Variants in PCDHGA9 observed in about 807,000 individuals in gnomAD.
PCDHGA9 encodes the protein protocadherin gamma subfamily A, 9.
Under a neutral mutation model 62.5 loss-of-function variants are expected in PCDHGA9, and 37 were observed. That is an observed-to-expected ratio of 0.59 (90% CI 0.46 to 0.78). PCDHGA9 has a LOEUF of 0.78. Ranked by LOEUF, PCDHGA9 falls within the 30% of genes least tolerant of loss-of-function variation. The probability of loss-of-function intolerance (pLI) is 0.00; values close to 1 mark genes in which losing one functional copy is unlikely to be tolerated. For synonymous variants in PCDHGA9, 459 were observed against 484.6 expected (o/e 0.95, Z 0.69); for missense variants, 1,138 against 1,166.2 (o/e 0.98, Z 0.35).
At chr5:141,433,926 A>T (rs2154556019) in intron 1 of PCDHGA9, among the ~76,000 whole-genome samples, 1 of 151,830 alleles carries the variant, frequency 6.6e-6, no homozygotes, top group African/African-American at 2.4e-5. Context: ...CCAAATGAAG[A>T]TTTTATAATT....
At position 141,505,451 on chromosome 5, in the gene PCDHGA9, C is replaced by T. The variant is rs1350424069; in HGVS notation, c.2542C>T (p.Leu848=). Residue 848 remains leucine (L), a synonymous_variant, in exon 3 of 4, where the codon CTG becomes TTG. Transcript: ENST00000573521. The part of the protein sequence containing the change: ...WPNNQFDTEM[L]QAMILASASE... ...CAACAACCAGTTTGACACAGAGATG[C>T]TGCAAGCCATGATCTTGGCGTCCGC... The T allele has an allele frequency of 1.2e-6, 2 of 1,614,222 alleles. No individual in the cohort carries two copies. The highest frequency in any genetic ancestry group is 1.7e-6 in the Non-Finnish European group (2 of 1,180,048).
At chr5:141,463,460 T>TA (rs1554144871) in intron 1 of PCDHGA9, among the ~76,000 whole-genome samples, 2 of 136,122 alleles carry the variant, frequency 1.5e-5, no homozygotes, top group Non-Finnish European at 3.1e-5. Context: ...TTTTTTTTTT[T>TA]TTTTTTGAGA....
intron 1 of PCDHGA9, chr5:141,441,038 G>A (rs1263659082): frequency 6.6e-6 from 1 of 152,156 alleles, no homozygotes; most frequent in African/African-American, 2.4e-5. Context: ...AAAACTTTAA[G>A]TACATTGGAC....
At chr5:141,436,588 G>A (rs1182294845) in intron 1 of PCDHGA9, among the ~76,000 whole-genome samples, 3 of 152,138 alleles carry the variant, frequency 2.0e-5, no homozygotes, top group Non-Finnish European at 2.9e-5. Context: ...AATTTGAAAG[G>A]TCGTGGTGAT....
chr5:141,456,026 T>A (rs2098840894), intron 1 of PCDHGA9, among the ~76,000 whole-genome samples: 1 of 151,690 alleles, frequency 6.6e-6, no homozygotes, highest in African/African-American at 2.4e-5. Context: ...GCCTCCCGAG[T>A]AGCTGGGACT....
Position 141,432,503 on chromosome 5 carries a change from G to A in PCDHGA9, c.2424+27127G>A, listed in dbSNP as rs939325676. On this transcript the variant is annotated intron_variant, in intron 1 of 3. Transcript: ENST00000573521. This position sits in a 1 kb window ranked among gnomAD's most constrained non-coding sequence, Gnocchi z 6.0. ...TGGCGTGGAGCTGGCTCCCCGCTCC[G>A]CAGAGCCCGGCTACCTGGTGACCAA... 5 of 1,613,988 alleles carry A rather than the reference G, an allele frequency of 3.1e-6. No individual in the cohort carries two copies. Among genetic ancestry groups the A allele is most frequent in the Non-Finnish European group, 2.5e-6 (3 of 1,180,038 alleles).
At chr5:141,483,918 T>G (rs2099588800) in intron 1 of PCDHGA9, among the ~76,000 whole-genome samples, 1 of 150,512 alleles carries the variant, frequency 6.6e-6, no homozygotes, top group Non-Finnish European at 1.5e-5. Flanking sequence ...CCACTCAGAT[T>G]GCAGGTCGTA....
intron 1 of PCDHGA9, chr5:141,417,977 G>T (rs752463782): frequency 1.2e-6 from 2 of 1,613,872 alleles, no homozygotes; most frequent in South Asian, 2.2e-5. Context: ...GATTCCGGAG[G>T]AGCTGGCCAA....
intron 1 of PCDHGA9, among the ~76,000 whole-genome samples, chr5:141,452,165 C>G (rs917431071): frequency 2.6e-5 from 4 of 152,120 alleles, no homozygotes; most frequent in African/African-American, 9.7e-5. Flanking sequence ...TATTCTATTA[C>G]TAACATTTTT....
intron 1 of PCDHGA9, chr5:141,428,404 T>A (rs375988962): frequency 2.3e-5 from 11 of 476,688 alleles, no homozygotes; most frequent in East Asian, 2.1e-4. Flanking sequence ...TGCCTGGGGT[T>A]GCTTTCACCC....
intron 1 of PCDHGA9, chr5:141,478,346 G>A: frequency 6.2e-7 from 1 of 1,613,794 alleles, no homozygotes; most frequent in African/African-American, 1.3e-5. Context: ...CTCCTTGCAC[G>A]CGGACGCCGT....
intron 1 of PCDHGA9, among the ~76,000 whole-genome samples, chr5:141,466,975 A>C (rs769024064): frequency 2.6e-5 from 4 of 151,842 alleles, no homozygotes; most frequent in Non-Finnish European, 5.9e-5. Context: ...CTCACAGCTC[A>C]TCATTTACCT....
intron 1 of PCDHGA9, chr5:141,418,551 T>A (rs766987131): frequency 1.2e-6 from 2 of 1,614,026 alleles, no homozygotes; most frequent in South Asian, 2.2e-5. Context: ...ATAAGAATCC[T>A]GGTAATAGAT....
intron 1 of PCDHGA9, chr5:141,418,346 A>G (rs780933957): frequency 1.7e-5 from 27 of 1,614,022 alleles, no homozygotes; most frequent in South Asian, 2.2e-5. Flanking sequence ...TCCTGATATT[A>G]GTATGAATTC....
chr5:141,464,907 T>A lies in PCDHGA9; in HGVS notation c.2425-29900T>A, dbSNP rs187725683. On this transcript the variant is annotated intron_variant, in intron 1 of 3. Transcript: ENST00000573521. ...ATGGATGCCACCATGTCCAGCTAAT[T>A]TTTTTATTTTTTTGTAGAGATGTGA... 4.5e-3 allele frequency among the ~76,000 whole-genome samples: 687 copies of A among 152,148 alleles called. 4 individuals are homozygous for A. Among genetic ancestry groups the A allele is most frequent in the African/African-American group, 0.015 (630 of 41,510 alleles).
At chr5:141,415,749 T>TG in intron 1 of PCDHGA9, 2 of 1,214,000 alleles carry the variant, frequency 1.6e-6, no homozygotes, top group Non-Finnish European at 1.1e-6. Context: ...GGTTTTTTTT[T>TG]TTTTTTTTTT....
At position 141,454,796 on chromosome 5, in the gene PCDHGA9, A is replaced by ATTTTT. The variant is rs61612330; in HGVS notation, c.2425-39986_2425-39982dup. ...AAGGAAATAATCCTCCATGGTTCTA[A>ATTTTT]TTTTTTTTTTTTTTTTTTTTTTTTT... On this transcript the variant is annotated intron_variant, in intron 1 of 3. Coordinates refer to ENST00000573521, the MANE Select transcript of PCDHGA9 (RefSeq NM_018921.3). 4.5e-3 allele frequency among the ~76,000 whole-genome samples: 350 copies of ATTTTT among 77,444 alleles called. 39 individuals are homozygous for ATTTTT. The highest frequency in any genetic ancestry group is 0.016 in the African/African-American group (266 of 16,872). The allele number at this position is 77,444 out of a possible 152,430, so 50.8% of individuals were successfully genotyped here.
intron 1 of PCDHGA9, among the ~76,000 whole-genome samples, chr5:141,463,618 T>G (rs2099065558): frequency 6.6e-6 from 1 of 151,792 alleles, no homozygotes; most frequent in African/African-American, 2.4e-5. Context: ...CCGGCTAATT[T>G]TTTGTATTTT....
At chr5:141,474,722 C>G (rs1562046141) in intron 1 of PCDHGA9, among the ~76,000 whole-genome samples, 1 of 152,216 alleles carries the variant, frequency 6.6e-6, no homozygotes, top group Non-Finnish European at 1.5e-5. Flanking sequence ...TTCAAAAGGA[C>G]TCTATGCAAT....
Sources: gnomAD v4.1 joint callset for allele counts (sites outside exome capture counted in the v4.1 genomes callset) on GRCh38, gnomAD v4.1.1 for gene constraint, Gnocchi (gnomAD v3.1) non-coding constraint, MANE v1.5 for transcripts, NCBI Gene and HGNC (gene_info 2026-07-23, HGNC 2026-07-21) for gene names.